The following RAD54L2 variants were observed in gnomAD, a reference collection of about 807,000 sequenced individuals.
The protein encoded by RAD54L2 is RAD54 like 2.
RAD54L2 carries 27 observed loss-of-function variants against 138.4 expected under a neutral mutation model. The observed-to-expected ratio is 0.20, with a 90% CI of 0.14 to 0.27. The LOEUF is 0.27. RAD54L2 is among the 10% of genes least tolerant of loss of function. The pLI, the probability that RAD54L2 is intolerant of heterozygous loss-of-function variation, is 1.00. For missense variants in RAD54L2, 1,396 were observed against 1,890.2 expected (o/e 0.74, Z 4.85); for synonymous variants, 644 against 723.2 (o/e 0.89, Z 1.76).
intron 2 of RAD54L2, among the ~76,000 whole-genome samples, chr3:51,558,086 T>C (rs571706790): frequency 6.6e-6 from 1 of 152,086 alleles, no homozygotes; most frequent in South Asian, 2.1e-4. Context: ...GCTCAACCAA[T>C]CTGCCCACCT....
intron 2 of RAD54L2, among the ~76,000 whole-genome samples, chr3:51,555,612 C>T (rs974763240): frequency 6.6e-5 from 10 of 152,136 alleles, no homozygotes; most frequent in Non-Finnish European, 1.3e-4. Context: ...GAGCAGAAAT[C>T]GCACCACTGC....
intron 3 of RAD54L2, among the ~76,000 whole-genome samples, chr3:51,606,436 G>A (rs1209232060): frequency 2.0e-5 from 3 of 152,096 alleles, no homozygotes; most frequent in Non-Finnish European, 4.4e-5. Flanking sequence ...CATGAGAAAA[G>A]GCAAGGATGA....
At position 51,645,260 on chromosome 3, in the gene RAD54L2, C is replaced by T. The variant is rs1234466148; in HGVS notation, c.2656+31C>T. The T allele has an allele frequency of 6.4e-6, 10 of 1,557,196 alleles. No individual in the cohort carries two copies. Among genetic ancestry groups the T allele is most frequent in the African/African-American group, 1.4e-5 (1 of 73,840 alleles). On this transcript the variant is annotated intron_variant, in intron 17 of 22. Coordinates refer to ENST00000684192, the MANE Select transcript of RAD54L2 (RefSeq NM_015106.4). This position sits in a 1 kb window ranked among gnomAD's most constrained non-coding sequence, Gnocchi z 6.1. ...CCATCTTCCAGACTTCGGAGAGGCA[C>T]ATCTATACAGGCTACCATCCTTTTA... is the stretch of plus-strand genomic sequence containing the variant.
chr3:51,637,291 G>T lies in RAD54L2; in HGVS notation c.1470G>T (p.Leu490=). ...TCCGCTCTCGCCGCCGGGTGGTGCT[G>T]ACTGGGTACCCTCTGCAAAACAACC... is the stretch of plus-strand genomic sequence containing the variant. The part of the protein sequence containing the change: ...KNIRSRRRVV[L]TGYPLQNNLI... The change falls in exon 11 of 23, where the codon CTG becomes CTT. Residue 490 remains leucine (L), a synonymous_variant. Coordinates refer to ENST00000684192, the MANE Select transcript of RAD54L2 (RefSeq NM_015106.4). The surrounding 1 kb of genome is among the most constrained non-coding windows in gnomAD (Gnocchi z 5.9). The T allele has an allele frequency of 6.2e-7, 1 of 1,612,372 alleles. No homozygotes were observed. Among genetic ancestry groups the T allele is most frequent in the East Asian group, 2.2e-5 (1 of 44,772 alleles).
rs1238305947 is a variant in RAD54L2 at position 51,637,411 on chromosome 3, T to C, written c.1590T>C (p.Asn530=). 1 of 1,613,830 alleles carries C rather than the reference T, an allele frequency of 6.2e-7. No homozygotes were observed. Among genetic ancestry groups the C allele is most frequent in the Non-Finnish European group, 8.5e-7 (1 of 1,179,876 alleles). ...ACATGTTTGAACGCCCTATCCTGAA[T>C]GGGCAATGTATTGACAGCACACCTC... ...FSNMFERPIL[N]GQCIDSTPQD... is the part of the protein sequence containing the mutation. The change falls in exon 11 of 23, where the codon AAT becomes AAC. Residue 530 remains asparagine (N), a synonymous_variant. Transcript: ENST00000684192. This position sits in a 1 kb window ranked among gnomAD's most constrained non-coding sequence, Gnocchi z 5.9.
intron 19 of RAD54L2, among the ~76,000 whole-genome samples, chr3:51,654,204 C>T (rs902515884): frequency 1.3e-5 from 2 of 152,138 alleles, no homozygotes; most frequent in Admixed American, 1.3e-4. Flanking sequence ...CACACCACCA[C>T]GCGTGGCTAA....
At position 51,630,358 on chromosome 3, in the gene RAD54L2, G is replaced by T; in HGVS notation, c.568G>T (p.Gly190Cys). ...QEVICLDSSSGSEDEKSSRDE... is the reference protein window; with the variant it reads ...QEVICLDSSSCSEDEKSSRDE... ...AGTCATTTGTTTGGACAGTAGCAGT[G>T]GCAGTGAGGATGAAAAAAGCAGTCG... Residue 190 changes from glycine (G) to cysteine (C), a missense_variant, in exon 6 of 23, where the codon GGC becomes TGC. By Grantham distance (159) the Gly-to-Cys change is radical (BLOSUM62 -3). Around this residue, in one of 7 missense-constraint regions of RAD54L2, gnomAD observed 256 missense variants for 344.6 expected, o/e 0.74. Coordinates refer to ENST00000684192, the MANE Select transcript of RAD54L2 (RefSeq NM_015106.4). The T allele has an allele frequency of 6.2e-7, 1 of 1,613,968 alleles. No homozygotes were observed. The highest frequency in any genetic ancestry group is 2.2e-5 in the East Asian group (1 of 44,882).
intron 9 of RAD54L2, among the ~76,000 whole-genome samples, chr3:51,634,593 C>G (rs1700937620): frequency 6.6e-6 from 1 of 152,178 alleles, no homozygotes; most frequent in South Asian, 2.1e-4. Context: ...TGGTCTCGAA[C>G]TCCTGACCTC....
chr3:51,546,636 G>A (rs1487520473), intron 2 of RAD54L2, among the ~76,000 whole-genome samples: 2 of 151,728 alleles, frequency 1.3e-5, no homozygotes, highest in Admixed American at 6.6e-5. Flanking sequence ...GTGAAACTGC[G>A]TCTCAAAAAC....
At chr3:51,590,612 A>G in intron 3 of RAD54L2, 53 bp downstream of exon 3, 1 of 1,552,182 alleles carries the variant, frequency 6.4e-7, no homozygotes, top group Non-Finnish European at 8.7e-7. Flanking sequence ...CCTCCAGTGG[A>G]ATTTTTGCTG....
chr3:51,655,826 A>C, intron 19 of RAD54L2, 145 bp from the exon 20 acceptor site: 1 of 656,588 alleles, frequency 1.5e-6, no homozygotes, highest in South Asian at 2.9e-5. Flanking sequence ...TTTTGAATTG[A>C]CCAGACCCTG....
At chr3:51,613,852 G>A (rs892682503) in intron 3 of RAD54L2, among the ~76,000 whole-genome samples, 1 of 152,090 alleles carries the variant, frequency 6.6e-6, no homozygotes, top group Non-Finnish European at 1.5e-5. Context: ...TGCTAAAGCA[G>A]TGATTCGCAA....
chr3:51,661,983 T>C (rs960982964), intron 22 of RAD54L2, among the ~76,000 whole-genome samples: 2 of 152,204 alleles, frequency 1.3e-5, no homozygotes, highest in Admixed American at 6.5e-5. Flanking sequence ...AATTGAGATT[T>C]CCCATTTGTC....
chr3:51,625,539 G>A (rs1700659320), intron 3 of RAD54L2, among the ~76,000 whole-genome samples: 1 of 152,098 alleles, frequency 6.6e-6, no homozygotes, highest in Admixed American at 6.5e-5. Flanking sequence ...ATTGGCTCTA[G>A]GTAAGACCCA....
intron 20 of RAD54L2, among the ~76,000 whole-genome samples, chr3:51,656,758 T>A (rs944509537): frequency 3.3e-5 from 5 of 151,962 alleles, no homozygotes; most frequent in East Asian, 1.9e-4. Context: ...GATTATTATT[T>A]TTTTTTTTGG....
rs181437634 is a variant in RAD54L2 at position 51,551,654 on chromosome 3, C to T, written c.-55+10004C>T. On this transcript the variant is annotated intron_variant, in intron 2 of 22. Coordinates refer to ENST00000684192, the MANE Select transcript of RAD54L2 (RefSeq NM_015106.4). ...TTCACCATGTTGGCCAGGCTGGTCT[C>T]GAACTCCTGACATCAAATGACCCAC... 2.7e-3 allele frequency among the ~76,000 whole-genome samples: 413 copies of T among 151,598 alleles called. 1 individual carries two copies. Among genetic ancestry groups the T allele is most frequent in the Non-Finnish European group, 3.5e-3 (237 of 67,882 alleles).
intron 9 of RAD54L2, among the ~76,000 whole-genome samples, chr3:51,635,165 TG>T (rs1700955471): frequency 6.6e-6 from 1 of 152,214 alleles, no homozygotes; most frequent in Admixed American, 6.5e-5. Flanking sequence ...CTTTACTGTT[TG>T]TGGCTCTTTA....
At position 51,626,436 on chromosome 3, in the gene RAD54L2, C is replaced by CTTTTTTTTTTTTTTTTT; in HGVS notation, c.140-1107_140-1091dup. On this transcript the variant is annotated intron_variant, in intron 3 of 22. Coordinates refer to ENST00000684192, the MANE Select transcript of RAD54L2 (RefSeq NM_015106.4). ...TGACATCCCCTGGACCCCCAACGAT[C>CTTTTTTTTTTTTTTTTT]TTTTTTTTTTTTTTTTTTTTTTTTT... Among the ~76,000 whole-genome samples, 173 of 39,390 alleles carry CTTTTTTTTTTTTTTTTT rather than the reference C, an allele frequency of 4.4e-3. 70 individuals carry two copies. Among genetic ancestry groups the CTTTTTTTTTTTTTTTTT allele is most frequent in the East Asian group, 0.03 (25 of 834 alleles). The allele number at this position is 39,390 out of a possible 152,430, so 25.8% of individuals were successfully genotyped here. A position where few individuals can be genotyped will look rare whatever the true frequency, so the allele number is the denominator to read the frequency against.
intron 3 of RAD54L2, among the ~76,000 whole-genome samples, chr3:51,626,313 C>T (rs1455462127): frequency 1.3e-5 from 2 of 151,850 alleles, no homozygotes; most frequent in Non-Finnish European, 2.9e-5. Flanking sequence ...GCCTGCCTAC[C>T]CAGTGAACAG....
Sources: gnomAD v4.1 joint callset for allele counts (sites outside exome capture counted in the v4.1 genomes callset) on GRCh38, gnomAD v4.1.1 for gene constraint, gnomAD v4.1.1 regional missense constraint, Gnocchi (gnomAD v3.1) non-coding constraint, MANE v1.5 for transcripts, NCBI Gene and HGNC (gene_info 2026-07-23, HGNC 2026-07-21) for gene names.